The following PARD3B variants were observed in gnomAD, a reference collection of about 807,000 sequenced individuals.
PARD3B encodes par-3 family cell polarity regulator beta.
PARD3B carries 103 observed loss-of-function variants against 130.2 expected under a neutral mutation model. The observed-to-expected ratio is 0.79, with a 90% CI of 0.67 to 0.93. PARD3B has a LOEUF of 0.93. Among genes scored for constraint, PARD3B ranks in the 40% least tolerant of loss-of-function variants. The pLI is 0.00. For missense variants in PARD3B, 1,609 were observed against 1,499.2 expected, an observed-to-expected ratio of 1.07 and a Z score of -1.21; for synonymous variants, 583 against 553.2, an observed-to-expected ratio of 1.05 and a Z score of -0.76.
At chr2:205,111,175 T>C (rs1292404683) in intron 5 of PARD3B, among the ~76,000 whole-genome samples, 1 of 152,132 alleles carries the variant, frequency 6.6e-6, no homozygotes, top group African/African-American at 2.4e-5. Flanking sequence ...ATTAAATAGA[T>C]CTAACTTTCT....
At chr2:205,286,916 G>A (rs985913732) in intron 16 of PARD3B, among the ~76,000 whole-genome samples, 51 of 152,110 alleles carry the variant, frequency 3.4e-4, no homozygotes, top group African/African-American at 1.1e-3. Context: ...CTAACCATTG[G>A]TAGTATGTTT....
chr2:205,338,178 A>C (rs56350941), intron 18 of PARD3B, among the ~76,000 whole-genome samples: 64,864 of 123,280 alleles, frequency 0.53, 21,896 homozygotes, highest in Admixed American at 0.71. Flanking sequence ...AAAAAAAAAA[A>C]GGCTTCATGA....
chr2:205,335,680 G>A (rs573227871), intron 18 of PARD3B, among the ~76,000 whole-genome samples: 6 of 152,132 alleles, frequency 3.9e-5, no homozygotes, highest in East Asian at 3.9e-4. Flanking sequence ...ACAGTTCTAC[G>A]TGGCTGGGGA....
At chr2:205,254,953 C>T (rs1479947809) in intron 16 of PARD3B, among the ~76,000 whole-genome samples, 4 of 151,968 alleles carry the variant, frequency 2.6e-5, no homozygotes, top group South Asian at 2.1e-4. Flanking sequence ...TGTGAGCCAC[C>T]GCGCCCGGCC....
At chr2:204,637,895 G>C (rs548570128) in intron 1 of PARD3B, among the ~76,000 whole-genome samples, 1 of 151,960 alleles carries the variant, frequency 6.6e-6, no homozygotes, top group East Asian at 1.9e-4. Context: ...AGAGAGATGC[G>C]GAAGAGGTGT....
chr2:204,647,851 GTTAC>G (rs1157644804), intron 1 of PARD3B, among the ~76,000 whole-genome samples: 1 of 151,626 alleles, frequency 6.6e-6, no homozygotes, highest in African/African-American at 2.4e-5. Context: ...CAGAACATCT[GTTAC>G]TTAAAGGAGA....
intron 2 of PARD3B, among the ~76,000 whole-genome samples, chr2:204,792,926 C>A (rs562862089): frequency 4.8e-4 from 73 of 151,410 alleles, no homozygotes; most frequent in Non-Finnish European, 9.1e-4. Flanking sequence ...TAGACCCGTT[C>A]ATCACCTGAA....
chr2:205,320,145 G>A (rs570162345), intron 18 of PARD3B, among the ~76,000 whole-genome samples: 47 of 148,916 alleles, frequency 3.2e-4, no homozygotes, highest in African/African-American at 1.1e-3. Context: ...CAGCCTGGGC[G>A]ACAGAGTGAG....
In PARD3B at chr2:205,282,000, TG is replaced by T. The variant is rs778619532; in HGVS notation, c.2186-18529del. ...CCATTCGTTTTCTAATTATCAAAAA[TG>T]TTTTTTTAAACAAATAATTTTTTTC... On this transcript the variant is annotated intron_variant, in intron 16 of 22. Coordinates refer to ENST00000406610, the MANE Select transcript of PARD3B (RefSeq NM_001302769.2). This position sits in a 1 kb window ranked among gnomAD's most constrained non-coding sequence, Gnocchi z 4.2. Among the ~76,000 whole-genome samples the T allele has an allele frequency of 3.3e-5, 5 of 152,210 alleles. No homozygotes were observed. Among genetic ancestry groups the T allele is most frequent in the Non-Finnish European group, 5.9e-5 (4 of 68,014 alleles).
intron 20 of PARD3B, among the ~76,000 whole-genome samples, chr2:205,448,040 T>C (rs2047968687): frequency 6.6e-6 from 1 of 152,222 alleles, no homozygotes. Context: ...GGCTCTGTGC[T>C]TAGCACTGGC....
intron 11 of PARD3B, among the ~76,000 whole-genome samples, chr2:205,162,231 A>G (rs2034547775): frequency 6.6e-6 from 1 of 152,214 alleles, no homozygotes; most frequent in Non-Finnish European, 1.5e-5. Flanking sequence ...AGAATTATCC[A>G]AATGCTTAAT....
chr2:204,594,192 A>C (rs895527406), intron 1 of PARD3B, among the ~76,000 whole-genome samples: 73 of 152,188 alleles, frequency 4.8e-4, no homozygotes, highest in African/African-American at 1.8e-3. Flanking sequence ...CAGGCGATAC[A>C]GGACTGGACT....
chr2:205,141,105 T>G (rs746211284), intron 10 of PARD3B, among the ~76,000 whole-genome samples: 1 of 152,176 alleles, frequency 6.6e-6, no homozygotes, highest in African/African-American at 2.4e-5. Flanking sequence ...TTAGCATATT[T>G]GAATTATGAG....
intron 1 of PARD3B, among the ~76,000 whole-genome samples, chr2:204,602,970 A>G (rs187308985): frequency 1.4e-4 from 22 of 152,270 alleles, no homozygotes; most frequent in Admixed American, 1.4e-3. Flanking sequence ...ATCAAGCTGT[A>G]GAATCAGAAT....
chr2:205,523,128 G>A lies in PARD3B; in HGVS notation c.3180+23097G>A, dbSNP rs889449825. On this transcript the variant is annotated intron_variant, in intron 21 of 22. Coordinates refer to ENST00000406610, the MANE Select transcript of PARD3B (RefSeq NM_001302769.2). ...TCATTTCTATCTGTTATGATAACTG[G>A]GATTCTTGTCCTTTCTGTCATCTTG... Among the ~76,000 whole-genome samples, 4 of 150,008 alleles carry A rather than the reference G, an allele frequency of 2.7e-5. No individual in the cohort carries two copies. The South Asian group carries it at 8.5e-4, about 32-fold the overall frequency.
chr2:205,586,270 A>G (rs1004736056), intron 22 of PARD3B, among the ~76,000 whole-genome samples: 1 of 152,246 alleles, frequency 6.6e-6, no homozygotes, highest in African/African-American at 2.4e-5. Flanking sequence ...GAAGACAGTC[A>G]GAAAACACAT....
intron 20 of PARD3B, among the ~76,000 whole-genome samples, chr2:205,483,742 A>T (rs1047147943): frequency 5.9e-5 from 9 of 152,104 alleles, no homozygotes; most frequent in African/African-American, 2.2e-4. Context: ...CAGTTTTTTT[A>T]AAAATGCCAA....
At chr2:204,982,896 T>TTGTC (rs2030463544) in intron 3 of PARD3B, among the ~76,000 whole-genome samples, 3 of 152,326 alleles carry the variant, frequency 2.0e-5, no homozygotes, top group Admixed American at 2.0e-4. Flanking sequence ...CTGATTTTAC[T>TTGTC]TGAGGGGAAT....
rs78828563 is a variant in PARD3B at position 205,291,381 on chromosome 2, G to C, written c.2186-9149G>C. ...TGAATAGAACGTTGGTAGAAATATG[G>C]ATGGTAAAGGCCATTCTTATGAGGT... is the stretch of plus-strand genomic sequence containing the variant. On this transcript the variant is annotated intron_variant, in intron 16 of 22. Coordinates refer to ENST00000406610, the MANE Select transcript of PARD3B (RefSeq NM_001302769.2). This position sits in a 1 kb window ranked among gnomAD's most constrained non-coding sequence, Gnocchi z 4.6. Among the ~76,000 whole-genome samples, 45 of 152,296 alleles carry C rather than the reference G, an allele frequency of 3.0e-4. No individual in the cohort carries two copies. Among genetic ancestry groups the C allele is most frequent in the African/African-American group, 1.1e-3 (44 of 41,570 alleles).
Sources: allele counts gnomAD v4.1 joint callset (sites outside exome capture counted in the v4.1 genomes callset), GRCh38; gene constraint gnomAD v4.1.1; non-coding constraint Gnocchi (gnomAD v3.1); transcripts MANE v1.5; gene names NCBI Gene and HGNC (gene_info 2026-07-23, HGNC 2026-07-21).